Variants in SGCZ observed in about 807,000 individuals in gnomAD.
SGCZ encodes sarcoglycan zeta.
A neutral mutation model predicts 41.3 loss-of-function variants in SGCZ; 40 were observed. That is an observed-to-expected ratio of 0.97 (90% CI 0.75 to 1.26). SGCZ has a LOEUF of 1.26. Among genes scored for constraint, SGCZ ranks in the 50% most tolerant of loss-of-function variants. SGCZ has a pLI of 0.00. For synonymous variants in SGCZ, 206 were observed against 137.5 expected, an observed-to-expected ratio of 1.50 and a Z score of -3.49; for missense variants, 552 against 369.8, an observed-to-expected ratio of 1.49 and a Z score of -4.04.
intron 1 of SGCZ, among the ~76,000 whole-genome samples, chr8:15,055,193 A>C (rs1804661009): frequency 6.6e-6 from 1 of 152,144 alleles, no homozygotes; most frequent in South Asian, 2.1e-4. Flanking sequence ...GCAAACTTGA[A>C]TACATTTCTG....
intron 2 of SGCZ, among the ~76,000 whole-genome samples, chr8:14,396,814 G>A (rs932826184): frequency 6.6e-6 from 1 of 151,710 alleles, no homozygotes; most frequent in African/African-American, 2.4e-5. Flanking sequence ...CTATGCCCAG[G>A]TTAAGTCACA....
chr8:14,994,779 G>GA (rs1482419394), intron 1 of SGCZ, among the ~76,000 whole-genome samples: 5 of 152,028 alleles, frequency 3.3e-5, no homozygotes, highest in South Asian at 2.1e-4. Context: ...TATAAATTCA[G>GA]AAAAAAATCT....
At chr8:14,291,027 T>C (rs1467397356) in intron 3 of SGCZ, among the ~76,000 whole-genome samples, 1 of 152,082 alleles carries the variant, frequency 6.6e-6, no homozygotes, top group African/African-American at 2.4e-5. Context: ...TGAAATCCTG[T>C]TGTTTGCAGC....
intron 7 of SGCZ, among the ~76,000 whole-genome samples, chr8:14,099,682 G>T (rs1801951770): frequency 6.6e-6 from 1 of 152,058 alleles, no homozygotes; most frequent in Non-Finnish European, 1.5e-5. Context: ...CCAAGGTCAT[G>T]CCAATGTACT....
chr8:14,265,216 G>A (rs1241904046), intron 3 of SGCZ, among the ~76,000 whole-genome samples: 4 of 152,132 alleles, frequency 2.6e-5, no homozygotes, highest in African/African-American at 9.7e-5. Flanking sequence ...GAGAATACCA[G>A]TCATTGGCAC....
intron 1 of SGCZ, among the ~76,000 whole-genome samples, chr8:14,778,615 C>A (rs2130426200): frequency 6.6e-6 from 1 of 151,980 alleles, no homozygotes; most frequent in Non-Finnish European, 1.5e-5. Context: ...ATATAAAACA[C>A]ACGTGTAAAT....
At chr8:15,219,767 T>A (rs1250730863) in intron 1 of SGCZ, among the ~76,000 whole-genome samples, 3 of 152,172 alleles carry the variant, frequency 2.0e-5, no homozygotes, top group African/African-American at 7.2e-5. Flanking sequence ...CTCACTTATG[T>A]CTCATTATGA....
chr8:15,034,830 T>G (rs73205411), intron 1 of SGCZ, among the ~76,000 whole-genome samples: 25,912 of 152,166 alleles, frequency 0.17, 2,504 homozygotes, highest in Middle Eastern at 0.28. Flanking sequence ...AGGACAAAAC[T>G]GTCAACCAAG....
At position 14,590,203 on chromosome 8, in the gene SGCZ, A is replaced by G. The variant is rs185273672; in HGVS notation, c.40-35277T>C. Among the ~76,000 whole-genome samples the G allele has an allele frequency of 4.3e-4, 65 of 152,248 alleles. 1 individual carries two copies. The East Asian group carries it at 0.012, about 28-fold the overall frequency. On this transcript the variant is annotated intron_variant, in intron 1 of 7. Coordinates refer to ENST00000382080, the MANE Select transcript of SGCZ (RefSeq NM_139167.4). ...TGAATCCAAGAAAAAATAGATTTAA[A>G]TATCTTATGTCTACTAGGACAGAGG...
intron 1 of SGCZ, among the ~76,000 whole-genome samples, chr8:15,087,521 G>C (rs1055220113): frequency 2.6e-5 from 4 of 152,036 alleles, no homozygotes; most frequent in Admixed American, 6.6e-5. Context: ...TCTGCCAATA[G>C]ACAAAAGCTC....
intron 2 of SGCZ, among the ~76,000 whole-genome samples, chr8:14,506,780 A>G (rs573631587): frequency 6.6e-6 from 1 of 152,272 alleles, no homozygotes; most frequent in Non-Finnish European, 1.5e-5. Flanking sequence ...AGCACTTGAC[A>G]TATGTGCATC....
At chr8:14,442,513 T>C (rs1025121348) in intron 2 of SGCZ, among the ~76,000 whole-genome samples, 3 of 152,176 alleles carry the variant, frequency 2.0e-5, no homozygotes, top group Non-Finnish European at 4.4e-5. Context: ...CCCTTCTTAA[T>C]GCCTATGTTT....
At chr8:14,746,381 A>C (rs530167493) in intron 1 of SGCZ, among the ~76,000 whole-genome samples, 4 of 152,254 alleles carry the variant, frequency 2.6e-5, no homozygotes, top group African/African-American at 9.6e-5. Flanking sequence ...TGCTCAACTA[A>C]TAATAATAGA....
At chr8:14,238,277 G>C (rs527521849) in intron 3 of SGCZ, among the ~76,000 whole-genome samples, 117 of 152,288 alleles carry the variant, frequency 7.7e-4, no homozygotes, top group African/African-American at 2.6e-3. Context: ...AACCATGACA[G>C]CTGTGTCTAT....
intron 5 of SGCZ, among the ~76,000 whole-genome samples, chr8:14,154,987 G>C (rs1803833496): frequency 6.6e-6 from 1 of 152,184 alleles, no homozygotes; most frequent in Admixed American, 6.5e-5. Context: ...GAAGGCCGTT[G>C]AAATTGCAGG....
At chr8:14,172,444 AT>A (rs141746807) in intron 4 of SGCZ, among the ~76,000 whole-genome samples, 1,923 of 152,284 alleles carry the variant, frequency 0.013, 56 homozygotes, top group African/African-American at 0.044. Flanking sequence ...GGAATGAATA[AT>A]CCCACTGCTA....
At chr8:14,905,598 C>T (rs1290873748) in intron 1 of SGCZ, among the ~76,000 whole-genome samples, 1 of 152,000 alleles carries the variant, frequency 6.6e-6, no homozygotes, top group Non-Finnish European at 1.5e-5. Flanking sequence ...TCTGCCCACA[C>T]ACAAACTAGG....
At chr8:14,314,104 A>C (rs1801637324) in intron 3 of SGCZ, among the ~76,000 whole-genome samples, 1 of 152,072 alleles carries the variant, frequency 6.6e-6, no homozygotes, top group Admixed American at 6.6e-5. Flanking sequence ...CAATGGTGTA[A>C]TCTGTAGAAA....
At chr8:15,202,283 G>A (rs997703463) in intron 1 of SGCZ, among the ~76,000 whole-genome samples, 5 of 152,130 alleles carry the variant, frequency 3.3e-5, no homozygotes, top group East Asian at 1.9e-4. Flanking sequence ...AGAAAATGTG[G>A]TAGAATAAAG....
Sources: allele counts gnomAD v4.1 joint callset (sites outside exome capture counted in the v4.1 genomes callset), GRCh38; gene constraint gnomAD v4.1.1; transcripts MANE v1.5; gene names NCBI Gene and HGNC (gene_info 2026-07-23, HGNC 2026-07-21).